The following TMEM65 variants were observed in gnomAD, a reference collection of about 807,000 sequenced individuals.
TMEM65 encodes transmembrane protein 65.
TMEM65 carries 22 observed loss-of-function variants against 25.4 expected under a neutral mutation model. The ratio of observed to expected loss-of-function variants is 0.86; its 90% CI spans 0.62 to 1.23. TMEM65 has a LOEUF of 1.23. Ranked by LOEUF, TMEM65 falls within the 50% of genes most tolerant of loss-of-function variation. The pLI, the probability that TMEM65 is intolerant of heterozygous loss-of-function variation, is 0.00. For missense variants in TMEM65, 262 were observed against 308.2 expected (o/e 0.85, Z 1.12); for synonymous variants, 132 against 126.2 (o/e 1.05, Z -0.31).
intron 1 of TMEM65, among the ~76,000 whole-genome samples, chr8:124,364,749 T>C (rs989690131): frequency 6.7e-6 from 1 of 149,986 alleles, no homozygotes; most frequent in African/African-American, 2.5e-5. Context: ...GTAATTTTAA[T>C]ATATAACTAC....
intron 6 of TMEM65, among the ~76,000 whole-genome samples, chr8:124,315,335 T>C (rs1392946132): frequency 1.3e-5 from 2 of 151,568 alleles, no homozygotes; most frequent in Non-Finnish European, 3.0e-5. Context: ...GTTTGTTTTT[T>C]TTTTGAGACG....
intron 2 of TMEM65, among the ~76,000 whole-genome samples, chr8:124,329,606 G>A (rs1814407548): frequency 1.3e-5 from 2 of 151,884 alleles, no homozygotes; most frequent in African/African-American, 4.8e-5. Context: ...TGTTTTTAGT[G>A]TTTATACCTA....
At chr8:124,341,139 G>A (rs971785373) in intron 1 of TMEM65, among the ~76,000 whole-genome samples, 3 of 151,888 alleles carry the variant, frequency 2.0e-5, no homozygotes, top group African/African-American at 7.2e-5. Context: ...AAGTATAAAA[G>A]AAAAGTAATA....
chr8:124,346,193 A>G (rs1814638713), intron 1 of TMEM65, among the ~76,000 whole-genome samples: 1 of 152,196 alleles, frequency 6.6e-6, no homozygotes, highest in African/African-American at 2.4e-5. Flanking sequence ...GCCACTTTTA[A>G]AACCATCAGA....
chr8:124,330,628 TA>T, intron 2 of TMEM65, 119 bp downstream of exon 2: 1 of 931,142 alleles, frequency 1.1e-6, no homozygotes, highest in Non-Finnish European at 1.6e-6. Flanking sequence ...ATGAACAGGA[TA>T]ATCCACTCTA....
intron 3 of TMEM65, 126 bp from the exon 4 acceptor site, chr8:124,323,501 A>G (rs928952103): frequency 4.8e-6 from 2 of 419,796 alleles, no homozygotes; most frequent in Non-Finnish European, 4.3e-6. Context: ...TACATACATC[A>G]TATATGCACA....
intron 6 of TMEM65, among the ~76,000 whole-genome samples, chr8:124,315,780 T>C (rs1325656688): frequency 6.6e-6 from 1 of 152,262 alleles, no homozygotes; most frequent in Admixed American, 6.5e-5. Context: ...ACTGTTATTT[T>C]CGTTATGCCA....
At chr8:124,326,132 GAA>G (rs956608444) in intron 3 of TMEM65, among the ~76,000 whole-genome samples, 2 of 151,976 alleles carry the variant, frequency 1.3e-5, no homozygotes, top group Admixed American at 6.6e-5. Flanking sequence ...TCCTAACTGA[GAA>G]AAGTTTCTAG....
intron 1 of TMEM65, among the ~76,000 whole-genome samples, chr8:124,365,946 C>T (rs962807511): frequency 2.0e-5 from 3 of 152,120 alleles, no homozygotes; most frequent in African/African-American, 4.8e-5. Flanking sequence ...ACAGGCCGGG[C>T]GTGGAGGTTC....
intron 6 of TMEM65, among the ~76,000 whole-genome samples, chr8:124,315,144 C>T (rs971134240): frequency 2.0e-5 from 3 of 152,128 alleles, no homozygotes; most frequent in Admixed American, 2.0e-4. Flanking sequence ...TGGAGATGGA[C>T]TAATCTTATG....
intron 1 of TMEM65, among the ~76,000 whole-genome samples, chr8:124,345,785 C>G (rs1259837251): frequency 6.6e-6 from 1 of 151,078 alleles, no homozygotes. Flanking sequence ...GTTCTGTCAC[C>G]CAGGCTGGAG....
At chr8:124,327,297 A>C in intron 3 of TMEM65, 57 bp downstream of exon 3, 1 of 1,185,690 alleles carries the variant, frequency 8.4e-7, no homozygotes. Flanking sequence ...TATTAGGAAA[A>C]TGTAGACCAC....
intron 1 of TMEM65, among the ~76,000 whole-genome samples, chr8:124,335,557 T>C (rs1207642487): frequency 1.3e-5 from 2 of 152,146 alleles, no homozygotes; most frequent in Admixed American, 6.5e-5. Context: ...TGAATACATA[T>C]GACATCATAA....
intron 4 of TMEM65, among the ~76,000 whole-genome samples, chr8:124,322,820 A>AC (rs1440382862): frequency 1.3e-5 from 2 of 152,000 alleles, no homozygotes; most frequent in African/African-American, 2.4e-5. Flanking sequence ...ACATGGTGAA[A>AC]CCCCGTCTCT....
At chr8:124,368,042 A>G (rs1043953492) in intron 1 of TMEM65, among the ~76,000 whole-genome samples, 2 of 152,306 alleles carry the variant, frequency 1.3e-5, no homozygotes, top group Admixed American at 6.5e-5. Flanking sequence ...TACCTCTCCA[A>G]TAGCCAGTTC....
At chr8:124,347,895 T>C (rs897822699) in intron 1 of TMEM65, among the ~76,000 whole-genome samples, 1 of 150,972 alleles carries the variant, frequency 6.6e-6, no homozygotes, top group Non-Finnish European at 1.5e-5. Context: ...TTTTTCTTTT[T>C]TTTTTTTTTT....
chr8:124,355,115 A>AT (rs1195459028), intron 1 of TMEM65, among the ~76,000 whole-genome samples: 10 of 152,332 alleles, frequency 6.6e-5, no homozygotes, highest in African/African-American at 2.2e-4. Context: ...ATGGGAAGTA[A>AT]AAGAAGATAG....
At chr8:124,368,110 G>A (rs1248005369) in intron 1 of TMEM65, among the ~76,000 whole-genome samples, 1 of 151,430 alleles carries the variant, frequency 6.6e-6, no homozygotes, top group East Asian at 1.9e-4. Context: ...AAATAATGTG[G>A]AAGCCAACCT....
intron 1 of TMEM65, among the ~76,000 whole-genome samples, chr8:124,359,068 G>T (rs1424736466): frequency 6.6e-6 from 1 of 152,186 alleles, no homozygotes; most frequent in Non-Finnish European, 1.5e-5. Flanking sequence ...GACAGAAACT[G>T]GTAGTAAATG....
Sources: gnomAD v4.1 joint callset for allele counts (sites outside exome capture counted in the v4.1 genomes callset) on GRCh38, gnomAD v4.1.1 for gene constraint, MANE v1.5 for transcripts, NCBI Gene and HGNC (gene_info 2026-07-23, HGNC 2026-07-21) for gene names.